Variants in TRMT11 observed in about 807,000 individuals in gnomAD.
TRMT11 encodes tRNA (guanine(10)-N(2))-methyltransferase TRMT11.
A neutral mutation model predicts 62.8 loss-of-function variants in TRMT11; 53 were observed. That is an observed-to-expected ratio of 0.84 (90% CI 0.68 to 1.06). The LOEUF is 1.06. Ranked by LOEUF, TRMT11 falls within the 50% of genes least tolerant of loss-of-function variation. The probability of loss-of-function intolerance (pLI) is 0.00; values close to 1 mark genes in which losing one functional copy is unlikely to be tolerated. For missense variants in TRMT11, 556 were observed against 553.4 expected, an observed-to-expected ratio of 1.00 and a Z score of -0.05; for synonymous variants, 188 against 190.3, an observed-to-expected ratio of 0.99 and a Z score of 0.10.
At chr6:126,122,418 G>A (rs934803436) in intron 21 of TRMT11, among the ~76,000 whole-genome samples, 8 of 152,060 alleles carry the variant, frequency 5.3e-5, no homozygotes, top group Non-Finnish European at 1.2e-4. Flanking sequence ...CTTCCCCAAG[G>A]AAGGTCATAG....
At chr6:126,212,947 A>C in the TRMT11 span, among the ~76,000 whole-genome samples, 1 of 152,202 alleles carries the variant, frequency 6.6e-6, no homozygotes, top group East Asian at 1.9e-4. Flanking sequence ...TTATTTCTGT[A>C]TATGGTGAAA....
the TRMT11 span, among the ~76,000 whole-genome samples, chr6:126,251,569 C>T: frequency 6.6e-6 from 1 of 152,130 alleles, no homozygotes; most frequent in Non-Finnish European, 1.5e-5. Context: ...ATCTCCTCAA[C>T]TCATTCCTCC....
intron 1 of TRMT11, among the ~76,000 whole-genome samples, chr6:126,188,647 T>C (rs908673634): frequency 6.6e-6 from 1 of 152,150 alleles, no homozygotes; most frequent in Non-Finnish European, 1.5e-5. Flanking sequence ...ATTATGTATT[T>C]ATAGTTCATA....
chr6:126,249,155 A>G, the TRMT11 span, among the ~76,000 whole-genome samples: 1 of 152,176 alleles, frequency 6.6e-6, no homozygotes, highest in Admixed American at 6.5e-5. Context: ...CAGTTGGTCT[A>G]GAATGCAAAT....
chr6:126,035,741 G>A (rs1479618894), intron 12 of TRMT11, among the ~76,000 whole-genome samples: 1 of 152,034 alleles, frequency 6.6e-6, no homozygotes, highest in Non-Finnish European at 1.5e-5. Context: ...ATAATCGTTA[G>A]CATACATTTT....
At chr6:126,148,083 A>C (rs1777995001) in intron 21 of TRMT11, among the ~76,000 whole-genome samples, 1 of 152,194 alleles carries the variant, frequency 6.6e-6, no homozygotes, top group Non-Finnish European at 1.5e-5. Flanking sequence ...ATGATGCTCT[A>C]TATAAAATTT....
chr6:126,039,816 T>C (rs1775818723), downstream of TRMT11, among the ~76,000 whole-genome samples: 1 of 152,082 alleles, frequency 6.6e-6, no homozygotes, highest in African/African-American at 2.4e-5. Context: ...ATTATTATTA[T>C]TATTTTAGTG....
At chr6:126,202,862 G>C (rs1778750390), downstream of TRMT11, among the ~76,000 whole-genome samples, 1 of 152,128 alleles carries the variant, frequency 6.6e-6, no homozygotes, top group South Asian at 2.1e-4. Flanking sequence ...AATTTAAACT[G>C]TTCTCTGACA....
intron 12 of TRMT11, among the ~76,000 whole-genome samples, chr6:126,033,648 C>T (rs1442222328): frequency 6.6e-6 from 1 of 152,084 alleles, no homozygotes; most frequent in Admixed American, 6.6e-5. Context: ...GAGGAAAAGG[C>T]CAGCCTGGTC....
chr6:126,191,291 A>C (rs1236891901), intron 1 of TRMT11, among the ~76,000 whole-genome samples: 1 of 151,804 alleles, frequency 6.6e-6, no homozygotes, highest in Non-Finnish European at 1.5e-5. Flanking sequence ...TCAGATTACT[A>C]GTTTTTTTTC....
At chr6:126,215,312 T>C in the TRMT11 span, among the ~76,000 whole-genome samples, 1 of 152,062 alleles carries the variant, frequency 6.6e-6, no homozygotes, top group African/African-American at 2.4e-5. Context: ...ATGATTGTAT[T>C]GGGGTATATC....
At chr6:126,084,367 C>T (rs1398685054) in intron 17 of TRMT11, among the ~76,000 whole-genome samples, 1 of 152,092 alleles carries the variant, frequency 6.6e-6, no homozygotes, top group East Asian at 1.9e-4. Context: ...TTTTCATACA[C>T]CCATTGGCTA....
the TRMT11 span, among the ~76,000 whole-genome samples, chr6:126,254,340 T>C: frequency 2.2e-4 from 33 of 152,330 alleles, no homozygotes; most frequent in Admixed American, 1.6e-3. Context: ...AGTGAGCAGT[T>C]ATACAAGAAA....
intron 17 of TRMT11, among the ~76,000 whole-genome samples, chr6:126,087,899 A>G (rs996128040): frequency 3.3e-5 from 5 of 152,126 alleles, no homozygotes; most frequent in African/African-American, 4.8e-5. Context: ...CACTTTGGCC[A>G]TTTCTCCTGA....
intron 12 of TRMT11, among the ~76,000 whole-genome samples, chr6:126,024,890 A>T (rs1294386958): frequency 6.6e-6 from 1 of 152,238 alleles, no homozygotes; most frequent in Non-Finnish European, 1.5e-5. Context: ...ATAGCATTTA[A>T]TAGAATCATT....
intron 17 of TRMT11, among the ~76,000 whole-genome samples, chr6:126,093,631 A>ATTTTTTTTTTTTTTTTTTTT (rs145963759): frequency 1.0e-5 from 1 of 98,012 alleles, no homozygotes; most frequent in African/African-American, 4.4e-5. Context: ...ATATATATAT[A>ATTTTTTTTTTTTTTTTTTTT]TTTTCCCCCA....
At chr6:126,122,684 A>T (rs1777663961) in intron 21 of TRMT11, among the ~76,000 whole-genome samples, 1 of 152,122 alleles carries the variant, frequency 6.6e-6, no homozygotes, top group African/African-American at 2.4e-5. Context: ...TTGTCCAGGC[A>T]TATTTCTACA....
intron 7 of TRMT11, among the ~76,000 whole-genome samples, chr6:126,004,143 C>T (rs1401295309): frequency 6.6e-6 from 1 of 151,914 alleles, no homozygotes; most frequent in Non-Finnish European, 1.5e-5. Flanking sequence ...TATATACATA[C>T]ACATAGACTA....
chr6:126,005,342 A>G (rs184251791), intron 7 of TRMT11, among the ~76,000 whole-genome samples: 14 of 152,226 alleles, frequency 9.2e-5, no homozygotes, highest in Admixed American at 2.6e-4. Context: ...TAAATAGAGC[A>G]AAGTTTAAAT....
Sources: allele counts gnomAD v4.1 joint callset (sites outside exome capture counted in the v4.1 genomes callset), GRCh38; gene constraint gnomAD v4.1.1; transcripts MANE v1.5; gene names NCBI Gene and HGNC (gene_info 2026-07-23, HGNC 2026-07-21).